PRKCE: variants seen among roughly 807,000 people sequenced by gnomAD.
The protein encoded by PRKCE is protein kinase C epsilon type.
In PRKCE, 16 loss-of-function variants were observed where a neutral mutation model predicts 85.4. The ratio of observed to expected loss-of-function variants is 0.19; its 90% CI spans 0.13 to 0.28. The LOEUF is 0.28. Among genes scored for constraint, PRKCE ranks in the 10% least tolerant of loss-of-function variants. The pLI is 1.00. For synonymous variants in PRKCE, 388 were observed against 371.5 expected, an observed-to-expected ratio of 1.04 and a Z score of -0.51; for missense variants, 573 against 975.2, an observed-to-expected ratio of 0.59 and a Z score of 5.49.
At chr2:45,942,184 A>G (rs1012953928) in intron 2 of PRKCE, among the ~76,000 whole-genome samples, 3 of 152,218 alleles carry the variant, frequency 2.0e-5, no homozygotes, top group African/African-American at 7.2e-5. Flanking sequence ...GCTATAAGAC[A>G]TTGATTCTAA....
At chr2:45,882,996 G>A (rs1694992693) in intron 2 of PRKCE, among the ~76,000 whole-genome samples, 1 of 152,266 alleles carries the variant, frequency 6.6e-6, no homozygotes, top group Non-Finnish European at 1.5e-5. Flanking sequence ...CCGCAGCAAT[G>A]AGTGGCGACG....
chr2:46,050,197 G>A (rs1025927832), intron 10 of PRKCE, among the ~76,000 whole-genome samples: 1 of 152,232 alleles, frequency 6.6e-6, no homozygotes, highest in African/African-American at 2.4e-5. Context: ...CAAGAAAAAG[G>A]CCAAAGCTGG....
intron 10 of PRKCE, among the ~76,000 whole-genome samples, chr2:46,062,710 G>A (rs1667262835): frequency 8.5e-6 from 1 of 117,542 alleles, no homozygotes; most frequent in African/African-American, 3.4e-5. Context: ...GTCTCGCTCA[G>A]TGGCCCAGGC....
At chr2:46,161,587 T>G (rs904999291) in intron 14 of PRKCE, among the ~76,000 whole-genome samples, 1 of 150,614 alleles carries the variant, frequency 6.6e-6, no homozygotes. Flanking sequence ...TGGGGAAGAG[T>G]GGGGAGGACA....
intron 1 of PRKCE, among the ~76,000 whole-genome samples, chr2:45,819,886 C>T (rs1008103437): frequency 6.6e-6 from 1 of 152,178 alleles, no homozygotes; most frequent in Non-Finnish European, 1.5e-5. Context: ...TACAGGGAAA[C>T]AATCGCATCA....
Position 46,087,330 on chromosome 2 carries a change from C to G in PRKCE, c.1592+968C>G, listed in dbSNP as rs571747276. On this transcript the variant is annotated intron_variant, in intron 11 of 14. Transcript: ENST00000306156. ...TGGAAGTGTGGCATTGGACAAGTCT[C>G]TGCCCTTTTGGGGCTTCAGTTGCCT... 1.1e-4 allele frequency among the ~76,000 whole-genome samples: 17 copies of G among 152,282 alleles called. No homozygotes were observed. In the South Asian group the frequency reaches 3.5e-3, roughly 32 times the overall value.
At chr2:45,829,511 A>G (rs1229752491) in intron 1 of PRKCE, among the ~76,000 whole-genome samples, 1 of 152,224 alleles carries the variant, frequency 6.6e-6, no homozygotes, top group Non-Finnish European at 1.5e-5. Flanking sequence ...GCCATCATCA[A>G]ACTATTTCAG....
chr2:46,030,845 G>A (rs1191769183), intron 10 of PRKCE, among the ~76,000 whole-genome samples: 1 of 152,192 alleles, frequency 6.6e-6, no homozygotes, highest in East Asian at 1.9e-4. Flanking sequence ...TAACATCCTT[G>A]CAGTCTTGGT....
intron 1 of PRKCE, among the ~76,000 whole-genome samples, chr2:45,732,023 C>T (rs547683116): frequency 6.6e-6 from 1 of 152,264 alleles, no homozygotes; most frequent in South Asian, 2.1e-4. Context: ...GAAATTCCAC[C>T]CTTAGAAAGT....
chr2:45,796,827 A>C (rs959950199), intron 1 of PRKCE, among the ~76,000 whole-genome samples: 3 of 152,208 alleles, frequency 2.0e-5, no homozygotes, highest in Non-Finnish European at 4.4e-5. Flanking sequence ...TATGTTACCC[A>C]GACTGCTCAT....
At chr2:46,020,754 G>A (rs1254177099) in intron 10 of PRKCE, among the ~76,000 whole-genome samples, 1 of 152,212 alleles carries the variant, frequency 6.6e-6, no homozygotes, top group Non-Finnish European at 1.5e-5. Context: ...AGGCACAGTT[G>A]GGAGATAACA....
rs565995113 is a variant in PRKCE at position 45,662,485 on chromosome 2, C to T, written c.348+10037C>T. Reference sequence around the variant, plus strand: ...TGTATTGAATAGGGGAGTCAGGTGACTCCTATTAATTTCCCAGCTGTGAAA... The same window carrying T: ...TGTATTGAATAGGGGAGTCAGGTGATTCCTATTAATTTCCCAGCTGTGAAA... On this transcript the variant is annotated intron_variant, in intron 1 of 14. Coordinates refer to ENST00000306156, the MANE Select transcript of PRKCE (RefSeq NM_005400.3). Among the ~76,000 whole-genome samples the T allele has an allele frequency of 5.3e-5, 8 of 152,142 alleles. No individual in the cohort carries two copies. In the South Asian group the frequency reaches 6.2e-4, roughly 12 times the overall value.
At chr2:45,797,194 C>G (rs918398094) in intron 1 of PRKCE, among the ~76,000 whole-genome samples, 1 of 152,194 alleles carries the variant, frequency 6.6e-6, no homozygotes, top group Non-Finnish European at 1.5e-5. Context: ...GGAGACTGCA[C>G]CCAAACCCAT....
Position 46,001,564 on chromosome 2 carries a change from G to A in PRKCE, c.966+18G>A. 1 of 1,595,366 alleles carries A rather than the reference G, an allele frequency of 6.3e-7. No individual in the cohort carries two copies. Among genetic ancestry groups the A allele is most frequent in the Non-Finnish European group, 8.5e-7 (1 of 1,177,464 alleles). On this transcript the variant is annotated intron_variant, in intron 7 of 14. Coordinates refer to ENST00000306156, the MANE Select transcript of PRKCE (RefSeq NM_005400.3). The surrounding 1 kb of genome is among the most constrained non-coding windows in gnomAD (Gnocchi z 4.4). ...GGAAAAAGGTAACTGGCTGTTTGGT[G>A]GTGTTGCTGGAGCCCTTTTCAGGCT...
At chr2:45,800,363 TG>T (rs556039960) in intron 1 of PRKCE, among the ~76,000 whole-genome samples, 41 of 152,324 alleles carry the variant, frequency 2.7e-4, no homozygotes, top group African/African-American at 9.4e-4. Flanking sequence ...AGCCTCATGC[TG>T]GGGGGTCTGA....
chr2:45,897,026 C>A (rs1270573898), intron 2 of PRKCE, among the ~76,000 whole-genome samples: 1 of 151,990 alleles, frequency 6.6e-6, no homozygotes, highest in Non-Finnish European at 1.5e-5. Flanking sequence ...TGCAGTGAGC[C>A]GTGAGTGTGC....
At chr2:45,664,702 G>T (rs1675831001) in intron 1 of PRKCE, among the ~76,000 whole-genome samples, 1 of 152,214 alleles carries the variant, frequency 6.6e-6, no homozygotes, top group South Asian at 2.1e-4. Context: ...AGTCACTGGG[G>T]ACATCTGTCT....
intron 2 of PRKCE, among the ~76,000 whole-genome samples, chr2:45,934,534 AG>A (rs1388057119): frequency 6.6e-6 from 1 of 152,098 alleles, no homozygotes; most frequent in East Asian, 1.9e-4. Context: ...CTGTAATTCC[AG>A]CTACTTGGGA....
At chr2:46,002,107 T>C (rs1336754833) in intron 7 of PRKCE, among the ~76,000 whole-genome samples, 2 of 152,192 alleles carry the variant, frequency 1.3e-5, no homozygotes, top group Admixed American at 6.5e-5. Context: ...ATTCTAAATA[T>C]CAGTAAGAAG....
Sources: allele counts gnomAD v4.1 joint callset (sites outside exome capture counted in the v4.1 genomes callset), GRCh38; gene constraint gnomAD v4.1.1; non-coding constraint Gnocchi (gnomAD v3.1); transcripts MANE v1.5; gene names NCBI Gene and HGNC (gene_info 2026-07-23, HGNC 2026-07-21).